The following ARID4B variants were observed in gnomAD, a reference collection of about 807,000 sequenced individuals.
ARID4B encodes AT-rich interactive domain-containing protein 4B.
Under a neutral mutation model 147.5 loss-of-function variants are expected in ARID4B, and 26 were observed. The observed-to-expected ratio is 0.18, with a 90% CI of 0.13 to 0.24. ARID4B has a LOEUF of 0.24. ARID4B is among the 10% of genes least tolerant of loss of function. The pLI is 1.00. For synonymous variants in ARID4B, 512 were observed against 507.9 expected, an observed-to-expected ratio of 1.01 and a Z score of -0.11; for missense variants, 1,179 against 1,511.5, an observed-to-expected ratio of 0.78 and a Z score of 3.65.
chr1:235,203,691 A>C (rs945872448), intron 17 of ARID4B, among the ~76,000 whole-genome samples: 4 of 152,172 alleles, frequency 2.6e-5, no homozygotes, highest in African/African-American at 7.2e-5. Context: ...TAATTAACTT[A>C]CTTAGTTTTT....
At chr1:235,309,101 GA>G (rs1322553190) in intron 2 of ARID4B, among the ~76,000 whole-genome samples, 1 of 150,504 alleles carries the variant, frequency 6.6e-6, no homozygotes, top group East Asian at 2.0e-4. Context: ...CATTGTCTGA[GA>G]TGTGGGGAGC....
chr1:235,225,049 C>T lies in ARID4B; in HGVS notation c.898-274G>A, dbSNP rs191751972. Among the ~76,000 whole-genome samples, 315 of 136,180 alleles carry T rather than the reference C, an allele frequency of 2.3e-3. 2 individuals carry two copies. The highest frequency in any genetic ancestry group is 8.0e-3 in the African/African-American group (302 of 37,596). The allele number at this position is 136,180 out of a possible 152,430, so 89.3% of individuals were successfully genotyped here. A position where few individuals can be genotyped will look rare whatever the true frequency, so the allele number is the denominator to read the frequency against. On this transcript the variant is annotated intron_variant, in intron 11 of 23. Coordinates refer to ENST00000264183, the MANE Select transcript of ARID4B (RefSeq NM_016374.6). ...GAGAAAAGGGACTAGCAAGACTGTT[C>T]GTGGTTTTGTTTTGTTTTGTTTTGT...
At chr1:235,283,805 G>A (rs1013876344) in intron 2 of ARID4B, among the ~76,000 whole-genome samples, 4 of 152,030 alleles carry the variant, frequency 2.6e-5, no homozygotes, top group African/African-American at 4.8e-5. Context: ...GTGCAATCGC[G>A]GCTCACTGCA....
chr1:235,311,753 A>C (rs1056380436), intron 2 of ARID4B, among the ~76,000 whole-genome samples: 9 of 151,468 alleles, frequency 5.9e-5, no homozygotes, highest in Non-Finnish European at 7.4e-5. Context: ...CAGCCTGGGC[A>C]ACAGAGCAAG....
At chr1:235,196,170 C>G in intron 17 of ARID4B, 55 bp from the exon 18 acceptor site, 1 of 885,592 alleles carries the variant, frequency 1.1e-6, no homozygotes, top group Non-Finnish European at 1.7e-6. Flanking sequence ...CGGAAATAAC[C>G]TATGCCATAT....
intron 17 of ARID4B, among the ~76,000 whole-genome samples, chr1:235,196,661 C>T (rs533909781): frequency 1.3e-4 from 19 of 151,706 alleles, no homozygotes; most frequent in South Asian, 6.2e-4. Flanking sequence ...AGACCATCAA[C>T]GCTAACACGG....
intron 2 of ARID4B, among the ~76,000 whole-genome samples, chr1:235,309,525 C>T (rs1390972304): frequency 5.4e-5 from 8 of 147,592 alleles, no homozygotes; most frequent in Non-Finnish European, 1.2e-4. Flanking sequence ...TCTGCCCGGC[C>T]AGCCGCCCCG....
rs1451614438 is a variant in ARID4B, at chr1:235,257,286, G to C, written c.118-61C>G. The C allele has an allele frequency of 3.8e-6, 4 of 1,059,694 alleles. No individual in the cohort carries two copies. In the African/African-American group the frequency reaches 4.7e-5, roughly 12 times the overall value. The allele number at this position is 1,059,694 out of a possible 1,614,324, so 65.6% of individuals were successfully genotyped here. A position where few individuals can be genotyped will look rare whatever the true frequency, so the allele number is the denominator to read the frequency against. ...AACCAAGCAACACAAGCTCATCAAT[G>C]CACCAATTATTCATTTGTAGTAAAA... On this transcript the variant is annotated intron_variant, in intron 3 of 23. Transcript: ENST00000264183.
Position 235,258,873 on chromosome 1 carries a change from G to T in ARID4B, c.118-1648C>A, listed in dbSNP as rs568765370. 2.0e-5 allele frequency among the ~76,000 whole-genome samples: 3 copies of T among 152,296 alleles called. No homozygotes were observed. The East Asian group carries it at 5.8e-4, about 29-fold the overall frequency. ...TCTTAACACTAGAGTTTCACCTTTA[G>T]ATAGAGCTTAGCACATAGTAAATGT... On this transcript the variant is annotated intron_variant, in intron 3 of 23. Coordinates refer to ENST00000264183, the MANE Select transcript of ARID4B (RefSeq NM_016374.6).
At chr1:235,210,386 ATC>A (rs1666637766) in intron 17 of ARID4B, among the ~76,000 whole-genome samples, 1 of 152,044 alleles carries the variant, frequency 6.6e-6, no homozygotes, top group African/African-American at 2.4e-5. Flanking sequence ...CCAATTTCAC[ATC>A]TGTTAAGTAT....
At chr1:235,171,775 G>A (rs1294312059) in intron 23 of ARID4B, among the ~76,000 whole-genome samples, 4 of 152,012 alleles carry the variant, frequency 2.6e-5, no homozygotes, top group South Asian at 2.1e-4. Context: ...AAGTAGCTGG[G>A]ATTACAGGCA....
intron 2 of ARID4B, among the ~76,000 whole-genome samples, chr1:235,308,356 C>T (rs1395989497): frequency 2.0e-5 from 3 of 151,824 alleles, no homozygotes; most frequent in Non-Finnish European, 4.4e-5. Flanking sequence ...ATTCGCCCAC[C>T]TTGGCCTCCC....
intron 2 of ARID4B, among the ~76,000 whole-genome samples, chr1:235,276,922 C>G (rs1295819082): frequency 2.0e-5 from 3 of 151,048 alleles, no homozygotes; most frequent in African/African-American, 7.3e-5. Context: ...ATCGCTTGAA[C>G]CCGGGAGGTG....
At chr1:235,292,749 C>G (rs777380184) in intron 2 of ARID4B, among the ~76,000 whole-genome samples, 3 of 151,984 alleles carry the variant, frequency 2.0e-5, no homozygotes, top group Non-Finnish European at 1.5e-5. Flanking sequence ...ATGCATAAAA[C>G]TTGAACTTTA....
At chr1:235,240,029 A>AC (rs1668884402) in intron 8 of ARID4B, among the ~76,000 whole-genome samples, 1 of 152,130 alleles carries the variant, frequency 6.6e-6, no homozygotes, top group Non-Finnish European at 1.5e-5. Flanking sequence ...ACCTACATGG[A>AC]CTTAGGAGCT....
intron 2 of ARID4B, among the ~76,000 whole-genome samples, chr1:235,289,093 G>A (rs1672165589): frequency 6.6e-6 from 1 of 152,204 alleles, no homozygotes; most frequent in Non-Finnish European, 1.5e-5. Flanking sequence ...ACTTGCACAT[G>A]TGTGAGATAA....
At position 235,167,087 on chromosome 1, in the gene ARID4B, T is replaced by C. The variant is rs570781902; in HGVS notation, c.*1438A>G. On this transcript the variant is annotated 3_prime_UTR_variant, in exon 24 of 24. Coordinates refer to ENST00000264183, the MANE Select transcript of ARID4B (RefSeq NM_016374.6). ...TACAAATTTGAATAACTTGAAACCA[T>C]TTTCAACAAAATTAGTTACTGTAAG... The C allele has an allele frequency of 5.3e-6, 1 of 187,680 alleles. No homozygotes were observed. Among genetic ancestry groups the C allele is most frequent in the South Asian group, 2.0e-4 (1 of 5,116 alleles). 11.6% of individuals were successfully genotyped at this position (187,680 alleles called of 1,614,324 possible). A position where few individuals can be genotyped will look rare whatever the true frequency, so the allele number is the denominator to read the frequency against.
chr1:235,193,988 A>AAG, intron 19 of ARID4B, 25 bp downstream of exon 19: 2 of 1,500,466 alleles, frequency 1.3e-6, no homozygotes, highest in South Asian at 2.3e-5. Flanking sequence ...AAATACTTGC[A>AAG]CAACAGAACG....
chr1:235,244,723 A>G (rs1333153214), intron 7 of ARID4B, among the ~76,000 whole-genome samples: 1 of 152,238 alleles, frequency 6.6e-6, no homozygotes, highest in African/African-American at 2.4e-5. Flanking sequence ...ATAACTTTAC[A>G]TATCTTTGTA....
Sources: allele counts gnomAD v4.1 joint callset (sites outside exome capture counted in the v4.1 genomes callset), GRCh38; gene constraint gnomAD v4.1.1; transcripts MANE v1.5; gene names NCBI Gene and HGNC (gene_info 2026-07-23, HGNC 2026-07-21).